Variants in SEC14L1 observed in about 807,000 individuals in gnomAD.
SEC14L1 encodes SEC14 like lipid binding 1.
Under a neutral mutation model 85.3 loss-of-function variants are expected in SEC14L1, and 48 were observed. The ratio of observed to expected loss-of-function variants is 0.56; its 90% CI spans 0.45 to 0.72. SEC14L1 has a LOEUF of 0.72. SEC14L1 is among the 30% of genes least tolerant of loss of function. The pLI is 0.00. For missense variants in SEC14L1, 682 were observed against 921.4 expected, an observed-to-expected ratio of 0.74 and a Z score of 3.36; for synonymous variants, 391 against 355.5, an observed-to-expected ratio of 1.10 and a Z score of -1.12.
Position 77,215,827 on chromosome 17 carries a change from A to C in SEC14L1, c.*1804A>C, listed in dbSNP as rs1043913586. The C allele has an allele frequency of 2.5e-3, 2,260 of 915,052 alleles. 217 individuals are homozygous for C. In the Admixed American group the frequency reaches 0.035, roughly 14 times the overall value. 56.7% of individuals were successfully genotyped at this position (915,052 alleles called of 1,614,324 possible). ...GTAGGTAGGGCTGGTAGGTAGGGTT[A>C]GTAGGTAGGGCTAGTAGGTAGGGTT... On this transcript the variant is annotated 3_prime_UTR_variant, in exon 17 of 17. Coordinates refer to ENST00000436233, the MANE Select transcript of SEC14L1 (RefSeq NM_001143998.2).
At chr17:77,131,914 T>C (rs964741260) in intron 3 of SEC14L1, among the ~76,000 whole-genome samples, 2 of 152,152 alleles carry the variant, frequency 1.3e-5, no homozygotes, top group Non-Finnish European at 2.9e-5. Flanking sequence ...CCTCTCCAGA[T>C]TGAAATGAAA....
Position 77,215,605 on chromosome 17 carries a change from G to A in SEC14L1, c.*1582G>A, listed in dbSNP as rs542009782. On this transcript the variant is annotated 3_prime_UTR_variant, in exon 17 of 17. Transcript: ENST00000436233. ...CCCTAGTGGCTGCCTGCACACTGTA[G>A]ACGTCCCAGGGCCTGTGCTGTGATC... 3.0e-6 allele frequency: 3 copies of A among 988,656 alleles called. No individual in the cohort carries two copies. The East Asian group carries it at 3.3e-4, about 110-fold the overall frequency. The allele number at this position is 988,656 out of a possible 1,614,324, so 61.2% of individuals were successfully genotyped here.
intron 1 of SEC14L1, chr17:77,141,812 A>C (rs633672): frequency 0.42 from 63,169 of 152,060 alleles, 13,485 homozygotes; most frequent in South Asian, 0.54. Context: ...TTCTTCCCCC[A>C]ACTCTTGTTT....
chr17:77,146,975 CAG>C (rs1973338836), intron 3 of SEC14L1, among the ~76,000 whole-genome samples: 4 of 152,112 alleles, frequency 2.6e-5, no homozygotes, highest in African/African-American at 9.7e-5. Context: ...GTTCAGCATT[CAG>C]AGTGAGGAAA....
intron 3 of SEC14L1, among the ~76,000 whole-genome samples, chr17:77,188,266 A>T (rs1334474480): frequency 6.6e-6 from 1 of 152,138 alleles, no homozygotes; most frequent in African/African-American, 2.4e-5. Flanking sequence ...CATCTCTCTC[A>T]TGGCCCTTTT....
chr17:77,130,569 T>A lies in SEC14L1; in HGVS notation c.-135-12077T>A, dbSNP rs375301192. The stretch of plus-strand genomic sequence containing the variant: ...AACTCCTGGCCTCAAGTGATTCACC[T>A]GCCTCGACCTCCCAAAGTGCTGGGA... On this transcript the variant is annotated intron_variant, in intron 3 of 19. Coordinates refer to the SEC14L1 transcript ENST00000392476. Among the ~76,000 whole-genome samples the A allele has an allele frequency of 4.6e-5, 7 of 152,204 alleles. No homozygotes were observed. The East Asian group carries it at 7.7e-4, about 17-fold the overall frequency.
upstream of SEC14L1, among the ~76,000 whole-genome samples, chr17:77,139,842 A>G (rs1175419040): frequency 1.3e-5 from 2 of 152,074 alleles, no homozygotes; most frequent in Non-Finnish European, 2.9e-5. Context: ...GTCAGACTGA[A>G]TGTAGTGAAT....
intron 3 of SEC14L1, among the ~76,000 whole-genome samples, chr17:77,153,761 G>A (rs547315730): frequency 3.5e-4 from 53 of 152,238 alleles, no homozygotes; most frequent in Non-Finnish European, 6.0e-4. Flanking sequence ...TTTTATTAGA[G>A]CTCTGGATAG....
At chr17:77,154,254 T>G (rs946038718) in intron 3 of SEC14L1, among the ~76,000 whole-genome samples, 2 of 152,114 alleles carry the variant, frequency 1.3e-5, no homozygotes, top group African/African-American at 4.8e-5. Context: ...GAGAATCACT[T>G]GAGGCCAGTA....
intron 3 of SEC14L1, among the ~76,000 whole-genome samples, chr17:77,104,299 T>A (rs1156571078): frequency 1.3e-5 from 2 of 150,532 alleles, no homozygotes; most frequent in African/African-American, 4.9e-5. Context: ...AATTTTTGTA[T>A]TTTTAGTAGA....
intron 3 of SEC14L1, chr17:77,093,418 TATAA>T (rs962534529): frequency 6.6e-6 from 1 of 152,222 alleles, no homozygotes; most frequent in African/African-American, 2.4e-5. Context: ...TGTGTATGGC[TATAA>T]ATAGATACAC....
intron 6 of SEC14L1, 56 bp from the exon 7 acceptor site, chr17:77,194,621 A>G: frequency 5.1e-6 from 7 of 1,361,986 alleles, no homozygotes; most frequent in Non-Finnish European, 7.3e-6. Context: ...CTTGGGAGAG[A>G]TGAGTAATTT....
At position 77,126,833 on chromosome 17, in the gene SEC14L1, C is replaced by T. The variant is rs528993483; in HGVS notation, c.-135-15813C>T. Among the ~76,000 whole-genome samples the T allele has an allele frequency of 7.2e-5, 11 of 152,258 alleles. No individual in the cohort carries two copies. In the South Asian group the frequency reaches 8.3e-4, roughly 11 times the overall value. ...TGGGTCAGGCAGGAGTGGGCACCCT[C>T]GGGGTCCAGGAGGCTGACTCTGTGG... is the stretch of plus-strand genomic sequence containing the variant. On this transcript the variant is annotated intron_variant, in intron 3 of 19. Coordinates refer to the SEC14L1 transcript ENST00000392476.
At chr17:77,143,225 A>G in intron 2 of SEC14L1, among the ~76,000 whole-genome samples, 1 of 152,240 alleles carries the variant, frequency 6.6e-6, no homozygotes, top group Non-Finnish European at 1.5e-5. Flanking sequence ...TATATTGGTT[A>G]TTAGAATAAT....
upstream of SEC14L1, among the ~76,000 whole-genome samples, chr17:77,140,169 G>T (rs911530652): frequency 6.6e-6 from 1 of 152,234 alleles, no homozygotes. Context: ...AGTGGTACCG[G>T]ATTGAAAATT....
rs148284764 is a variant in SEC14L1, at chr17:77,171,248, C to G, written c.64-19555C>G. Among the ~76,000 whole-genome samples, 452 of 152,312 alleles carry G rather than the reference C, an allele frequency of 3.0e-3. 4 individuals are homozygous for G. Among genetic ancestry groups the G allele is most frequent in the South Asian group, 0.012 (58 of 4,824 alleles). ...AGTGAGTTCCTTGATGGAGTTGAGA[C>G]AACATCCCTCTTATGAGAGGTTTAG... On this transcript the variant is annotated intron_variant, in intron 3 of 16. Transcript: ENST00000436233.
At chr17:77,176,678 C>T (rs1004436157) in intron 3 of SEC14L1, among the ~76,000 whole-genome samples, 2 of 152,176 alleles carry the variant, frequency 1.3e-5, no homozygotes, top group Non-Finnish European at 2.9e-5. Flanking sequence ...CCTCCACCTC[C>T]CAGGTTCAAG....
chr17:77,139,043 C>T (rs922060133), upstream of SEC14L1, among the ~76,000 whole-genome samples: 5 of 152,080 alleles, frequency 3.3e-5, no homozygotes, highest in Admixed American at 6.6e-5. Context: ...TGTCTTGTAC[C>T]GTTTCCCACA....
chr17:77,188,229 T>C (rs1375233575), intron 3 of SEC14L1, among the ~76,000 whole-genome samples: 1 of 152,210 alleles, frequency 6.6e-6, no homozygotes, highest in Non-Finnish European at 1.5e-5. Context: ...GCCGTGCGCA[T>C]AGTCGAGACG....
Sources: allele counts gnomAD v4.1 joint callset (sites outside exome capture counted in the v4.1 genomes callset), GRCh38; gene constraint gnomAD v4.1.1; transcripts MANE v1.5; gene names NCBI Gene and HGNC (gene_info 2026-07-23, HGNC 2026-07-21).